The following KIF13A variants were observed in gnomAD, a reference collection of about 807,000 sequenced individuals.
The protein encoded by KIF13A is kinesin-like protein KIF13A.
KIF13A carries 79 observed loss-of-function variants against 212.2 expected under a neutral mutation model. The ratio of observed to expected loss-of-function variants is 0.37; its 90% CI spans 0.31 to 0.45. KIF13A has a LOEUF of 0.45. Ranked by LOEUF, KIF13A falls within the 20% of genes least tolerant of loss-of-function variation. KIF13A has a pLI of 1.00. For synonymous variants in KIF13A, 789 were observed against 808.6 expected, an observed-to-expected ratio of 0.98 and a Z score of 0.41; for missense variants, 1,901 against 2,209.0, an observed-to-expected ratio of 0.86 and a Z score of 2.79.
rs1030841143 is a variant in KIF13A at position 17,763,999 on chromosome 6, G to A, written c.*111C>T. On this transcript the variant is annotated 3_prime_UTR_variant, in exon 39 of 39. Coordinates refer to ENST00000259711, the MANE Select transcript of KIF13A (RefSeq NM_022113.6). Reference sequence around the variant, plus strand: ...CGACAGAGACAGCTGTGCAGGAAGTGAGCCTGCTTCTCTGTGGGCTCATCT... The same window carrying A: ...CGACAGAGACAGCTGTGCAGGAAGTAAGCCTGCTTCTCTGTGGGCTCATCT... The A allele has an allele frequency of 2.0e-6, 3 of 1,465,250 alleles. No homozygotes were observed. In the African/African-American group the frequency reaches 4.3e-5, roughly 21 times the overall value. 90.8% of individuals were successfully genotyped at this position (1,465,250 alleles called of 1,614,324 possible).
In KIF13A at chr6:17,809,998, G is replaced by A. The variant is rs1763295288; in HGVS notation, c.2001-1068C>T. Reference sequence around the variant, plus strand: ...TCCCAACACTTTGGGAAGCCGAGGTGGGAGGATCACTTGAGGCCAGGAGTT... The same window carrying A: ...TCCCAACACTTTGGGAAGCCGAGGTAGGAGGATCACTTGAGGCCAGGAGTT... On this transcript the variant is annotated intron_variant, in intron 17 of 38. Coordinates refer to ENST00000259711, the MANE Select transcript of KIF13A (RefSeq NM_022113.6). This position sits in a 1 kb window ranked among gnomAD's most constrained non-coding sequence, Gnocchi z 4.7. 1.3e-5 allele frequency among the ~76,000 whole-genome samples: 2 copies of A among 151,976 alleles called. No homozygotes were observed. Among genetic ancestry groups the A allele is most frequent in the Admixed American group, 1.3e-4 (2 of 15,256 alleles).
At chr6:17,762,017 T>G (rs1383908227), downstream of KIF13A, among the ~76,000 whole-genome samples, 2 of 152,066 alleles carry the variant, frequency 1.3e-5, no homozygotes, top group Non-Finnish European at 2.9e-5. Context: ...AGCAAAATCT[T>G]AGGGCTGGAT....
chr6:17,815,740 T>C (rs557459577), intron 17 of KIF13A: 6 of 238,030 alleles, frequency 2.5e-5, no homozygotes, highest in Admixed American at 1.9e-4. Context: ...ATTTCTAGTA[T>C]AACTATTCTT....
intron 2 of KIF13A, among the ~76,000 whole-genome samples, chr6:17,931,324 G>C (rs1056684759): frequency 1.3e-5 from 2 of 152,110 alleles, no homozygotes; most frequent in African/African-American, 4.8e-5. Flanking sequence ...AACACAATTT[G>C]CACTCATGAA....
intron 20 of KIF13A, among the ~76,000 whole-genome samples, chr6:17,800,669 C>T (rs922700644): frequency 2.7e-5 from 4 of 150,684 alleles, no homozygotes; most frequent in African/African-American, 7.3e-5. Context: ...GGCGTGATCT[C>T]GGCTCACTGC....
In KIF13A at chr6:17,900,714, T is replaced by C. The variant is rs567240231; in HGVS notation, c.147-2534A>G. 6.6e-6 allele frequency among the ~76,000 whole-genome samples: 1 copy of C among 152,268 alleles called. No homozygotes were observed. The highest frequency in any genetic ancestry group is 1.9e-4 in the East Asian group (1 of 5,174). On this transcript the variant is annotated intron_variant, in intron 2 of 38. Coordinates refer to ENST00000259711, the MANE Select transcript of KIF13A (RefSeq NM_022113.6). The surrounding 1 kb of genome is among the most constrained non-coding windows in gnomAD (Gnocchi z 4.6). The stretch of plus-strand genomic sequence containing the variant: ...CTGATACAACCTGTACTTCATTCAT[T>C]GATACACCCTGTAATTCATTCATTG...
At chr6:17,853,106 G>T (rs755817359) in intron 6 of KIF13A, among the ~76,000 whole-genome samples, 2 of 152,156 alleles carry the variant, frequency 1.3e-5, no homozygotes, top group Non-Finnish European at 2.9e-5. Flanking sequence ...AAGGAGCTAA[G>T]AAGCATCACT....
At position 17,838,038 on chromosome 6, in the gene KIF13A, T is replaced by C. The variant is rs1391655432; in HGVS notation, c.831-455A>G. ...AATGGTTTAAAAAGTTAAATGCAGC[T>C]GGGAGTGGTGGCTCACACCTGTAAT... On this transcript the variant is annotated intron_variant, in intron 9 of 38. Transcript: ENST00000259711. This position sits in a 1 kb window ranked among gnomAD's most constrained non-coding sequence, Gnocchi z 4.2. Among the ~76,000 whole-genome samples, 1 of 151,510 alleles carries C rather than the reference T, an allele frequency of 6.6e-6. No individual in the cohort carries two copies. Among genetic ancestry groups the C allele is most frequent in the Non-Finnish European group, 1.5e-5 (1 of 67,874 alleles).
intron 2 of KIF13A, among the ~76,000 whole-genome samples, chr6:17,938,891 G>A (rs1282502283): frequency 6.9e-6 from 1 of 145,102 alleles, no homozygotes. Context: ...TAATTTTTAT[G>A]TATTCATTCT....
At position 17,814,228 on chromosome 6, in the gene KIF13A, G is replaced by A. The variant is rs369888530; in HGVS notation, c.2000+2792C>T. On this transcript the variant is annotated intron_variant, in intron 17 of 38. Coordinates refer to ENST00000259711, the MANE Select transcript of KIF13A (RefSeq NM_022113.6). ...GGCCTCCCAAAGTGCTGGGATTACA[G>A]GCATGAGCTACAGTGCCCGGCTTTT... 4.1e-5 allele frequency among the ~76,000 whole-genome samples: 6 copies of A among 145,418 alleles called. No individual in the cohort carries two copies. The East Asian group carries it at 1.0e-3, about 25-fold the overall frequency.
chr6:17,795,705 A>G (rs1031637924), intron 23 of KIF13A, among the ~76,000 whole-genome samples: 6 of 152,176 alleles, frequency 3.9e-5, no homozygotes, highest in Non-Finnish European at 8.8e-5. Context: ...AAAGAGGCAA[A>G]TGATCAACTT....
rs1474839879 is a variant in KIF13A, at chr6:17,895,051, C to G, written c.159+3117G>C. On this transcript the variant is annotated intron_variant, in intron 3 of 38. Transcript: ENST00000259711. This position sits in a 1 kb window ranked among gnomAD's most constrained non-coding sequence, Gnocchi z 4.4. The stretch of plus-strand genomic sequence containing the variant: ...CAGCTGGATCTATCTGCTGCTAAAC[C>G]CTTGCACTAAATTCTTAATTTCGGT... 1.3e-5 allele frequency among the ~76,000 whole-genome samples: 2 copies of G among 152,138 alleles called. No individual in the cohort carries two copies. The highest frequency in any genetic ancestry group is 4.1e-4 in the South Asian group (2 of 4,824).
rs141922316 is a variant in KIF13A at position 17,968,545 on chromosome 6, T to C, written c.146+18509A>G. Among the ~76,000 whole-genome samples, 81 of 152,162 alleles carry C rather than the reference T, an allele frequency of 5.3e-4. No homozygotes were observed. The highest frequency in any genetic ancestry group is 1.9e-3 in the African/African-American group (78 of 41,530). On this transcript the variant is annotated intron_variant, in intron 2 of 38. Transcript: ENST00000259711. The surrounding 1 kb of genome is among the most constrained non-coding windows in gnomAD (Gnocchi z 4.7). ...CCCGACCTCACAACTTTGCCTAGGA[T>C]AGAATTCTCTTCCACTAGTTACCTG... is the stretch of plus-strand genomic sequence containing the variant.
intron 25 of KIF13A, among the ~76,000 whole-genome samples, chr6:17,792,967 G>T (rs1358878001): frequency 6.6e-6 from 1 of 152,152 alleles, no homozygotes; most frequent in Middle Eastern, 3.2e-3. Context: ...CACATATGAC[G>T]GTGAGGGAGG....
chr6:17,787,949 ATGTTT>A lies in KIF13A; in HGVS notation c.3262-79_3262-75del. The A allele has an allele frequency of 1.1e-6, 1 of 879,918 alleles. No individual in the cohort carries two copies. The highest frequency in any genetic ancestry group is 1.9e-6 in the Non-Finnish European group (1 of 536,604). 54.5% of individuals were successfully genotyped at this position (879,918 alleles called of 1,614,324 possible). The stretch of plus-strand genomic sequence containing the variant: ...ATTTCTTTCTTTCTTTTTTTAAAAG[ATGTTT>A]AAATCAACTAGGAAATTTTTCATTA... On this transcript the variant is annotated intron_variant, in intron 26 of 38. Coordinates refer to ENST00000259711, the MANE Select transcript of KIF13A (RefSeq NM_022113.6). The surrounding 1 kb of genome is among the most constrained non-coding windows in gnomAD (Gnocchi z 4.6).
chr6:17,818,101 A>G (rs1764109483), intron 16 of KIF13A, among the ~76,000 whole-genome samples: 1 of 152,246 alleles, frequency 6.6e-6, no homozygotes, highest in Admixed American at 6.5e-5. Flanking sequence ...CAGTGTAGGG[A>G]AGGAGAATGT....
rs1774360046 is a variant in KIF13A, at chr6:17,914,828, T to C, written c.147-16648A>G. 1.3e-5 allele frequency among the ~76,000 whole-genome samples: 2 copies of C among 152,226 alleles called. No homozygotes were observed. The highest frequency in any genetic ancestry group is 4.1e-4 in the South Asian group (2 of 4,832). The stretch of plus-strand genomic sequence containing the variant: ...TTAAGCAGAGAAAACATGGCTCTTG[T>C]GCAATTCTCTTGTCATGTCTTCAAA... On this transcript the variant is annotated intron_variant, in intron 2 of 38. Transcript: ENST00000259711. The surrounding 1 kb of genome is among the most constrained non-coding windows in gnomAD (Gnocchi z 5.9).
At chr6:17,815,515 A>G (rs1241855503) in intron 17 of KIF13A, 3 of 311,296 alleles carry the variant, frequency 9.6e-6, no homozygotes, top group Admixed American at 9.5e-5. Context: ...TTACCACTAG[A>G]CCAGGGAGCC....
rs1248837745 is a variant in KIF13A, at chr6:17,898,588, T to G, written c.147-408A>C. Among the ~76,000 whole-genome samples, 1 of 152,242 alleles carries G rather than the reference T, an allele frequency of 6.6e-6. No individual in the cohort carries two copies. The highest frequency in any genetic ancestry group is 1.5e-5 in the Non-Finnish European group (1 of 68,048). ...AATTTTTCTTAAATTTTTGTTAAAA[T>G]ATATGCATATTTTCCTTTGATAAAT... On this transcript the variant is annotated intron_variant, in intron 2 of 38. Coordinates refer to ENST00000259711, the MANE Select transcript of KIF13A (RefSeq NM_022113.6). This position sits in a 1 kb window ranked among gnomAD's most constrained non-coding sequence, Gnocchi z 5.2.
Sources: allele counts gnomAD v4.1 joint callset (sites outside exome capture counted in the v4.1 genomes callset), GRCh38; gene constraint gnomAD v4.1.1; non-coding constraint Gnocchi (gnomAD v3.1); transcripts MANE v1.5; gene names NCBI Gene and HGNC (gene_info 2026-07-23, HGNC 2026-07-21).